Variants in VEGFC observed in about 807,000 individuals in gnomAD.
VEGFC encodes FLT4 ligand DHM.
In VEGFC, 12 loss-of-function variants were observed where a neutral mutation model predicts 46.1. That is an observed-to-expected ratio of 0.26 (90% CI 0.17 to 0.42). The LOEUF is 0.42. VEGFC is among the 10% of genes least tolerant of loss of function. VEGFC has a pLI of 1.00. For missense variants in VEGFC, 488 were observed against 529.4 expected, an observed-to-expected ratio of 0.92 and a Z score of 0.77; for synonymous variants, 232 against 195.5, an observed-to-expected ratio of 1.19 and a Z score of -1.56.
chr4:176,769,817 C>T (rs1735692322), intron 1 of VEGFC, among the ~76,000 whole-genome samples: 1 of 152,140 alleles, frequency 6.6e-6, no homozygotes, highest in Non-Finnish European at 1.5e-5. Context: ...TCCTGAGGCC[C>T]ATCACTAAAT....
intron 1 of VEGFC, among the ~76,000 whole-genome samples, chr4:176,783,690 G>A (rs140793935): frequency 0.013 from 2,047 of 152,192 alleles, 22 homozygotes; most frequent in Non-Finnish European, 0.02. Flanking sequence ...TCCAGGAGAG[G>A]AACAAACCCC....
chr4:176,687,080 T>C lies in VEGFC; in HGVS notation c.1145+107A>G, dbSNP rs56032564. 9.1e-3 allele frequency: 10,763 copies of C among 1,178,956 alleles called. 61 individuals are homozygous for C. Among genetic ancestry groups the C allele is most frequent in the Non-Finnish European group, 0.011 (9,437 of 833,912 alleles). The allele number at this position is 1,178,956 out of a possible 1,614,324, so 73.0% of individuals were successfully genotyped here. A position where few individuals can be genotyped will look rare whatever the true frequency, so the allele number is the denominator to read the frequency against. ...TAAGATTTTTGTCTTTCAGAATGTA[T>C]TGGCCTCATTCTAACAAGCAATTGT... On this transcript the variant is annotated intron_variant, in intron 6 of 6. Transcript: ENST00000618562.
intron 1 of VEGFC, among the ~76,000 whole-genome samples, chr4:176,776,690 C>T (rs1394227073): frequency 6.6e-6 from 1 of 152,188 alleles, no homozygotes; most frequent in African/African-American, 2.4e-5. Context: ...ACACAGTGGA[C>T]CAAGCCCTAG....
intron 4 of VEGFC, among the ~76,000 whole-genome samples, chr4:176,698,814 C>G (rs1734372850): frequency 6.6e-6 from 1 of 152,086 alleles, no homozygotes; most frequent in African/African-American, 2.4e-5. Context: ...TAATATGCAT[C>G]TTTCTGTGTC....
At chr4:176,711,387 C>A (rs1734616737) in intron 4 of VEGFC, 112 bp downstream of exon 4, 4 of 1,189,924 alleles carry the variant, frequency 3.4e-6, no homozygotes, top group Non-Finnish European at 4.5e-6. Context: ...GTATTTGAAG[C>A]AGAGTATATT....
At chr4:176,688,648 T>C (rs1734091547) in intron 4 of VEGFC, among the ~76,000 whole-genome samples, 1 of 145,298 alleles carries the variant, frequency 6.9e-6, no homozygotes, top group African/African-American at 2.5e-5. Flanking sequence ...CCCACCTTCC[T>C]TCCTTGTTTT....
In VEGFC at chr4:176,792,503, C is replaced by T; in HGVS notation, c.-192G>A. 1 of 416,860 alleles carries T rather than the reference C, an allele frequency of 2.4e-6. No individual in the cohort carries two copies. The allele number at this position is 416,860 out of a possible 1,614,324, so 25.8% of individuals were successfully genotyped here. A position where few individuals can be genotyped will look rare whatever the true frequency, so the allele number is the denominator to read the frequency against. Reference sequence around the variant, plus strand: ...GTTCCCAACTTTGCAGGGCGCCCTCCCAGCCAGTGCCGGGGAAAGGCGGCG... The same window carrying T: ...GTTCCCAACTTTGCAGGGCGCCCTCTCAGCCAGTGCCGGGGAAAGGCGGCG... On this transcript the variant is annotated 5_prime_UTR_variant, in exon 1 of 7. Transcript: ENST00000618562. The surrounding 1 kb of genome is among the most constrained non-coding windows in gnomAD (Gnocchi z 6.3).
Position 176,767,123 on chromosome 4 carries a change from TAAAAAAAA to T in VEGFC, c.147+25034_147+25041del, listed in dbSNP as rs70964805. 7.9e-5 allele frequency among the ~76,000 whole-genome samples: 4 copies of T among 50,484 alleles called. No individual in the cohort carries two copies. The Admixed American group carries it at 1.0e-3, about 13-fold the overall frequency. 33.1% of individuals were successfully genotyped at this position (50,484 alleles called of 152,430 possible). A position where few individuals can be genotyped will look rare whatever the true frequency, so the allele number is the denominator to read the frequency against. ...ATCATGTAAAGGAATTGTAGAAATC[TAAAAAAAA>T]AAAAAAAAAAAAACAACCAAAAAGA... is the stretch of plus-strand genomic sequence containing the variant. On this transcript the variant is annotated intron_variant, in intron 1 of 6. Transcript: ENST00000618562.
At chr4:176,745,789 G>T (rs955325467) in intron 1 of VEGFC, among the ~76,000 whole-genome samples, 1 of 152,018 alleles carries the variant, frequency 6.6e-6, no homozygotes, top group Admixed American at 6.6e-5. Flanking sequence ...GTGGTTCAGA[G>T]AACAAGAGAG....
intron 1 of VEGFC, among the ~76,000 whole-genome samples, chr4:176,744,938 CCTAA>C (rs776414126): frequency 6.6e-6 from 1 of 152,002 alleles, no homozygotes. Context: ...TCCAAAATCC[CCTAA>C]CTTTTACAAG....
chr4:176,720,127 T>A (rs1432103825), intron 3 of VEGFC, among the ~76,000 whole-genome samples: 1 of 152,114 alleles, frequency 6.6e-6, no homozygotes, highest in East Asian at 1.9e-4. Flanking sequence ...GAAAAGGGCA[T>A]GATAATACAA....
chr4:176,701,034 T>A (rs73007554), intron 4 of VEGFC, among the ~76,000 whole-genome samples: 9,074 of 152,148 alleles, frequency 0.06, 491 homozygotes, highest in Admixed American at 0.12. Context: ...GACACATCAT[T>A]TATACCTTTG....
At position 176,792,330 on chromosome 4, in the gene VEGFC, G is replaced by T. The variant is rs540740609; in HGVS notation, c.-19C>A. 20 of 1,472,634 alleles carry T rather than the reference G, an allele frequency of 1.4e-5. No individual in the cohort carries two copies. The highest frequency in any genetic ancestry group is 2.2e-4 in the Middle Eastern group (1 of 4,618). 91.2% of individuals were successfully genotyped at this position (1,472,634 alleles called of 1,614,324 possible). A position where few individuals can be genotyped will look rare whatever the true frequency, so the allele number is the denominator to read the frequency against. Reference sequence around the variant, plus strand: ...AGTGCATGGTGGAAGGACCGGGGGTGGGGGACCGGTCCGCTGGCGGGGGCA... The same window carrying T: ...AGTGCATGGTGGAAGGACCGGGGGTTGGGGACCGGTCCGCTGGCGGGGGCA... On this transcript the variant is annotated 5_prime_UTR_variant, in exon 1 of 7. Coordinates refer to ENST00000618562, the MANE Select transcript of VEGFC (RefSeq NM_005429.5). This position sits in a 1 kb window ranked among gnomAD's most constrained non-coding sequence, Gnocchi z 6.3.
At chr4:176,732,968 T>C (rs594543) in intron 1 of VEGFC, among the ~76,000 whole-genome samples, 142,601 of 151,868 alleles carry the variant, frequency 0.94, 67,626 homozygotes, top group East Asian at 1. Flanking sequence ...ACAAATGATT[T>C]GATCAAACTC....
intron 6 of VEGFC, among the ~76,000 whole-genome samples, chr4:176,684,409 T>G (rs918875056): frequency 1.3e-5 from 2 of 152,212 alleles, no homozygotes; most frequent in Non-Finnish European, 2.9e-5. Flanking sequence ...AGAATTCACA[T>G]GAGTCTGGGA....
intron 1 of VEGFC, among the ~76,000 whole-genome samples, chr4:176,786,923 T>C (rs148610530): frequency 2.8e-4 from 43 of 152,230 alleles, no homozygotes; most frequent in African/African-American, 9.1e-4. Context: ...CTACAATCCA[T>C]CTGCTTATCC....
At chr4:176,760,159 T>TCCAAAG (rs1735504445) in intron 1 of VEGFC, among the ~76,000 whole-genome samples, 1 of 152,154 alleles carries the variant, frequency 6.6e-6, no homozygotes, top group Admixed American at 6.5e-5. Flanking sequence ...TTTTATTTTC[T>TCCAAAG]CTGAATATAG....
At chr4:176,787,199 T>C (rs2110955510) in intron 1 of VEGFC, among the ~76,000 whole-genome samples, 1 of 152,178 alleles carries the variant, frequency 6.6e-6, no homozygotes, top group Admixed American at 6.5e-5. Context: ...CAGTGGCTCA[T>C]GCCTGTAATC....
In VEGFC at chr4:176,749,590, T is replaced by TA. The variant is rs1311809728; in HGVS notation, c.148-19845dup. Among the ~76,000 whole-genome samples, 20 of 151,922 alleles carry TA rather than the reference T, an allele frequency of 1.3e-4. 1 individual carries two copies. The highest frequency in any genetic ancestry group is 4.6e-4 in the African/African-American group (19 of 41,538). ...TTTAATTATAGCCACAAAGTTCAAT[T>TA]ACTTAAGAATTTCTTACCTTGAATG... On this transcript the variant is annotated intron_variant, in intron 1 of 6. Coordinates refer to ENST00000618562, the MANE Select transcript of VEGFC (RefSeq NM_005429.5).
Sources: allele counts gnomAD v4.1 joint callset (sites outside exome capture counted in the v4.1 genomes callset), GRCh38; gene constraint gnomAD v4.1.1; non-coding constraint Gnocchi (gnomAD v3.1); transcripts MANE v1.5; gene names NCBI Gene and HGNC (gene_info 2026-07-23, HGNC 2026-07-21).